Variants in ADAMTSL1 observed in about 807,000 individuals in gnomAD.
ADAMTSL1 encodes the protein ADAMTS-like protein 1.
Under a neutral mutation model 201.8 loss-of-function variants are expected in ADAMTSL1, and 126 were observed. The ratio of observed to expected loss-of-function variants is 0.62; its 90% CI spans 0.54 to 0.72. The LOEUF (loss-of-function observed/expected upper bound fraction) is 0.72, where lower values mean the gene tolerates loss of function less well. Ranked by LOEUF, ADAMTSL1 falls within the 30% of genes least tolerant of loss-of-function variation. The pLI is 0.00. For synonymous variants in ADAMTSL1, 1,121 were observed against 903.4 expected (o/e 1.24, Z -4.32); for missense variants, 2,679 against 2,277.8 (o/e 1.18, Z -3.59).
intron 2 of ADAMTSL1, among the ~76,000 whole-genome samples, chr9:18,513,094 C>T (rs145778347): frequency 7.5e-4 from 114 of 152,234 alleles, no homozygotes; most frequent in African/African-American, 2.6e-3. Context: ...AGCTAATCTC[C>T]TCTCTAATTC....
At chr9:18,512,233 G>A (rs1219980850) in intron 2 of ADAMTSL1, among the ~76,000 whole-genome samples, 2 of 152,052 alleles carry the variant, frequency 1.3e-5, no homozygotes, top group African/African-American at 4.8e-5. Flanking sequence ...TATATCTTAG[G>A]GGGGTGTATT....
chr9:17,950,956 G>C (rs1370502363), intron 1 of ADAMTSL1, among the ~76,000 whole-genome samples: 1 of 152,066 alleles, frequency 6.6e-6, no homozygotes, highest in Non-Finnish European at 1.5e-5. Flanking sequence ...CTTGACCCAG[G>C]GTTATTGTTT....
At chr9:18,216,335 A>G (rs1230961880) in intron 2 of ADAMTSL1, among the ~76,000 whole-genome samples, 1 of 152,228 alleles carries the variant, frequency 6.6e-6, no homozygotes, top group East Asian at 1.9e-4. Flanking sequence ...GTATTTCATA[A>G]TAAGCAATTT....
chr9:18,164,770 G>A (rs1827559641), intron 2 of ADAMTSL1, among the ~76,000 whole-genome samples: 1 of 151,738 alleles, frequency 6.6e-6, no homozygotes, highest in African/African-American at 2.4e-5. Context: ...AAACATACAA[G>A]TGACTTTATT....
intron 1 of ADAMTSL1, among the ~76,000 whole-genome samples, chr9:18,071,721 G>A (rs1048466865): frequency 6.6e-6 from 1 of 152,172 alleles, no homozygotes; most frequent in Non-Finnish European, 1.5e-5. Context: ...ACGTTTCCTC[G>A]AAAGTAGGAG....
At chr9:18,812,758 T>C (rs1448484257) in intron 20 of ADAMTSL1, among the ~76,000 whole-genome samples, 26 of 152,128 alleles carry the variant, frequency 1.7e-4, no homozygotes, top group Admixed American at 1.7e-3. Context: ...CCAGCACCAT[T>C]TATTGAGGAG....
intron 14 of ADAMTSL1, among the ~76,000 whole-genome samples, chr9:18,711,550 A>C (rs1744430748): frequency 6.6e-6 from 1 of 152,214 alleles, no homozygotes; most frequent in South Asian, 2.1e-4. Context: ...GGCTTAAAAA[A>C]CGGTGCAACA....
chr9:18,062,567 A>C (rs1822506988), intron 1 of ADAMTSL1, among the ~76,000 whole-genome samples: 1 of 152,152 alleles, frequency 6.6e-6, no homozygotes, highest in East Asian at 1.9e-4. Flanking sequence ...ACTGTAAATG[A>C]AATAAAGAAG....
chr9:18,208,551 C>G (rs1829746611), intron 2 of ADAMTSL1, among the ~76,000 whole-genome samples: 1 of 152,062 alleles, frequency 6.6e-6, no homozygotes, highest in South Asian at 2.1e-4. Context: ...TGGAAGACAC[C>G]AGGCACAGTT....
At chr9:18,217,510 G>A (rs1830097655) in intron 2 of ADAMTSL1, among the ~76,000 whole-genome samples, 1 of 152,062 alleles carries the variant, frequency 6.6e-6, no homozygotes, top group South Asian at 2.1e-4. Flanking sequence ...ATCAGTGAAG[G>A]ATTCTGTGGC....
rs573603586 is a variant in ADAMTSL1, at chr9:18,259,529, A to G, written c.207+95548A>G. Reference sequence around the variant, plus strand: ...TGTCTCAAAAAAAAAAAAAAAATACATATATCCTTATGTAGCATCACAAGC... The same window carrying G: ...TGTCTCAAAAAAAAAAAAAAAATACGTATATCCTTATGTAGCATCACAAGC... On this transcript the variant is annotated intron_variant, in intron 2 of 29. Transcript: ENST00000680146. Among the ~76,000 whole-genome samples the G allele has an allele frequency of 1.4e-3, 212 of 151,532 alleles. 1 individual carries two copies. The highest frequency in any genetic ancestry group is 5.0e-3 in the African/African-American group (204 of 41,202).
At chr9:18,760,309 C>A (rs1460828641) in intron 16 of ADAMTSL1, among the ~76,000 whole-genome samples, 1 of 152,140 alleles carries the variant, frequency 6.6e-6, no homozygotes, top group Non-Finnish European at 1.5e-5. Context: ...CTCATCAAAC[C>A]CTTACAAACA....
chr9:18,088,501 A>G (rs1403257533), intron 1 of ADAMTSL1, among the ~76,000 whole-genome samples: 1 of 152,222 alleles, frequency 6.6e-6, no homozygotes, highest in South Asian at 2.1e-4. Flanking sequence ...TATATATTCG[A>G]TAAGGAGTTA....
At chr9:18,726,087 T>A (rs1383302852) in intron 15 of ADAMTSL1, among the ~76,000 whole-genome samples, 4 of 152,228 alleles carry the variant, frequency 2.6e-5, no homozygotes, top group Non-Finnish European at 5.9e-5. Context: ...CTCAAAAAAA[T>A]TCATTATCTT....
chr9:17,973,067 C>CAGATGAGTAGCTTGCCAAA (rs759796946), intron 1 of ADAMTSL1, among the ~76,000 whole-genome samples: 1 of 96,910 alleles, frequency 1.0e-5, no homozygotes, highest in South Asian at 3.6e-4. Flanking sequence ...GATATTAACC[C>CAGATGAGTAGCTTGCCAAA]TTTGTCAGAT....
intron 2 of ADAMTSL1, among the ~76,000 whole-genome samples, chr9:18,222,266 A>G (rs1272050403): frequency 6.6e-6 from 1 of 151,720 alleles, no homozygotes; most frequent in African/African-American, 2.4e-5. Flanking sequence ...AAAACTGGTC[A>G]ATTTGTATAA....
chr9:18,816,961 C>T (rs117326633), intron 20 of ADAMTSL1, 148 bp from the exon 21 acceptor site: 14,335 of 966,170 alleles, frequency 0.015, 187 homozygotes, highest in Middle Eastern at 0.045. Flanking sequence ...TTATACTGTG[C>T]GCTTGCAATT....
intron 1 of ADAMTSL1, among the ~76,000 whole-genome samples, chr9:18,140,143 G>T (rs992929418): frequency 2.0e-5 from 3 of 152,098 alleles, no homozygotes; most frequent in Non-Finnish European, 2.9e-5. Flanking sequence ...TACTCTTAAA[G>T]AATTTAACCC....
intron 1 of ADAMTSL1, among the ~76,000 whole-genome samples, chr9:17,929,448 A>G (rs75845951): frequency 0.011 from 1,693 of 152,180 alleles, 25 homozygotes; most frequent in African/African-American, 0.039. Flanking sequence ...CTTCCGAATA[A>G]GCTGGAAAAC....
Sources: gnomAD v4.1 joint callset for allele counts (sites outside exome capture counted in the v4.1 genomes callset) on GRCh38, gnomAD v4.1.1 for gene constraint, MANE v1.5 for transcripts, NCBI Gene and HGNC (gene_info 2026-07-23, HGNC 2026-07-21) for gene names.